The following SNX13 variants were observed in gnomAD, a reference collection of about 807,000 sequenced individuals.
SNX13 encodes the protein sorting nexin-13.
In SNX13, 45 loss-of-function variants were observed where a neutral mutation model predicts 133.6. The ratio of observed to expected loss-of-function variants is 0.34; its 90% CI spans 0.27 to 0.43. SNX13 has a LOEUF of 0.43. Among genes scored for constraint, SNX13 ranks in the 20% least tolerant of loss-of-function variants. The pLI is 1.00. For synonymous variants in SNX13, 414 were observed against 373.9 expected (o/e 1.11, Z -1.24); for missense variants, 1,032 against 1,145.1 (o/e 0.90, Z 1.43).
chr7:17,874,860 T>C (rs1156883303), intron 7 of SNX13, among the ~76,000 whole-genome samples: 1 of 152,218 alleles, frequency 6.6e-6, no homozygotes, highest in Non-Finnish European at 1.5e-5. Flanking sequence ...TTGAAATCAC[T>C]GTATCATTCC....
intron 1 of SNX13, among the ~76,000 whole-genome samples, chr7:17,937,191 T>C (rs1019888724): frequency 4.6e-5 from 7 of 151,930 alleles, no homozygotes; most frequent in East Asian, 1.9e-4. Flanking sequence ...GAGAACTATA[T>C]GGGAGCTATA....
intron 22 of SNX13, among the ~76,000 whole-genome samples, chr7:17,799,952 C>A (rs1241745789): frequency 6.6e-6 from 1 of 151,692 alleles, no homozygotes; most frequent in African/African-American, 2.4e-5. Context: ...TAAATACTGG[C>A]AAGAAAGCAT....
chr7:17,834,529 T>C (rs1788915481), intron 14 of SNX13, among the ~76,000 whole-genome samples: 1 of 151,830 alleles, frequency 6.6e-6, no homozygotes, highest in Non-Finnish European at 1.5e-5. Flanking sequence ...CTACAATATC[T>C]AGCCCTACAA....
intron 1 of SNX13, among the ~76,000 whole-genome samples, chr7:17,921,914 T>C (rs1022072990): frequency 6.6e-6 from 1 of 152,232 alleles, no homozygotes; most frequent in African/African-American, 2.4e-5. Context: ...TATTTTAACA[T>C]ACATGTGGAT....
At chr7:17,862,928 G>A (rs970919617) in intron 9 of SNX13, among the ~76,000 whole-genome samples, 29 of 152,154 alleles carry the variant, frequency 1.9e-4, no homozygotes, top group Non-Finnish European at 3.1e-4. Context: ...ATCAAGGAAA[G>A]TGGCATTCAA....
chr7:17,917,556 A>G (rs1485407254), intron 1 of SNX13, among the ~76,000 whole-genome samples: 1 of 152,164 alleles, frequency 6.6e-6, no homozygotes, highest in East Asian at 1.9e-4. Flanking sequence ...AACAGCAATA[A>G]AAAGAAAAAA....
intron 4 of SNX13, among the ~76,000 whole-genome samples, chr7:17,890,812 A>G (rs1796543084): frequency 6.6e-6 from 1 of 151,922 alleles, no homozygotes; most frequent in African/African-American, 2.4e-5. Flanking sequence ...GCTATAATCT[A>G]ATAAATAATA....
Position 17,875,908 on chromosome 7 carries a change from G to A in SNX13, c.441-118C>T. 1.5e-5 allele frequency: 13 copies of A among 841,428 alleles called. No homozygotes were observed. The South Asian group carries it at 3.0e-4, about 19-fold the overall frequency. 52.1% of individuals were successfully genotyped at this position (841,428 alleles called of 1,614,324 possible). Reference sequence around the variant, plus strand: ...ATCTGAGACTGTAAATTTAAATTGAGATTTTCATTCATTATTACCTGTTAG... The same window carrying A: ...ATCTGAGACTGTAAATTTAAATTGAAATTTTCATTCATTATTACCTGTTAG... On this transcript the variant is annotated intron_variant, in intron 5 of 25. Transcript: ENST00000428135.
At chr7:17,848,052 G>A (rs1790757718) in intron 11 of SNX13, among the ~76,000 whole-genome samples, 1 of 152,030 alleles carries the variant, frequency 6.6e-6, no homozygotes, top group African/African-American at 2.4e-5. Flanking sequence ...TTTCCTGCTC[G>A]AATGTTGCCT....
At chr7:17,857,319 A>T (rs1792038618) in intron 9 of SNX13, among the ~76,000 whole-genome samples, 2 of 152,210 alleles carry the variant, frequency 1.3e-5, no homozygotes, top group African/African-American at 4.8e-5. Context: ...TTTTAAAGGA[A>T]CTAATATTGA....
At chr7:17,937,188 A>G (rs1802186218) in intron 1 of SNX13, among the ~76,000 whole-genome samples, 1 of 152,028 alleles carries the variant, frequency 6.6e-6, no homozygotes, top group Non-Finnish European at 1.5e-5. Flanking sequence ...ATCGAGAACT[A>G]TATGGGAGCT....
At position 17,805,250 on chromosome 7, in the gene SNX13, T is replaced by TGTGTGTGTGTGTGTGTGTGTGTGC; in HGVS notation, c.2065-1671_2065-1670insGCACACACACACACACACACACAC. Among the ~76,000 whole-genome samples, 20 of 95,592 alleles carry TGTGTGTGTGTGTGTGTGTGTGTGC rather than the reference T, an allele frequency of 2.1e-4. 1 individual carries two copies. The highest frequency in any genetic ancestry group is 5.0e-4 in the African/African-American group (16 of 31,864). The allele number at this position is 95,592 out of a possible 152,430, so 62.7% of individuals were successfully genotyped here. A position where few individuals can be genotyped will look rare whatever the true frequency, so the allele number is the denominator to read the frequency against. On this transcript the variant is annotated intron_variant, in intron 20 of 25. Coordinates refer to ENST00000428135, the MANE Select transcript of SNX13 (RefSeq NM_015132.5). The stretch of plus-strand genomic sequence containing the variant: ...GTGTGTGTGTGTGTGTGTGTGTGTG[T>TGTGTGTGTGTGTGTGTGTGTGTGC]GCGTGCGCGCGCGCGCATGCATGCA...
chr7:17,802,561 G>A (rs940503028), intron 21 of SNX13, among the ~76,000 whole-genome samples: 2 of 152,126 alleles, frequency 1.3e-5, no homozygotes, highest in Admixed American at 6.6e-5. Flanking sequence ...GTAATGAACA[G>A]CAGAAGTGCG....
At chr7:17,888,665 T>G (rs187887551) in intron 5 of SNX13, 72 of 470,300 alleles carry the variant, frequency 1.5e-4, no homozygotes, top group Non-Finnish European at 2.9e-4. Context: ...GTCACAGGTA[T>G]TTCATTTCAC....
chr7:17,927,182 T>C (rs1800849285), intron 1 of SNX13, among the ~76,000 whole-genome samples: 1 of 150,252 alleles, frequency 6.7e-6, no homozygotes, highest in African/African-American at 2.4e-5. Context: ...ATATTATGCG[T>C]GTACATATAA....
At chr7:17,916,355 G>C (rs1799564506) in intron 1 of SNX13, among the ~76,000 whole-genome samples, 1 of 151,926 alleles carries the variant, frequency 6.6e-6, no homozygotes. Context: ...ACATACAAAG[G>C]ATCAACAAAA....
At position 17,799,018 on chromosome 7, in the gene SNX13, G is replaced by C; in HGVS notation, c.2435C>G (p.Thr812Ser). 6.2e-7 allele frequency: 1 copy of C among 1,609,338 alleles called. No individual in the cohort carries two copies. Among genetic ancestry groups the C allele is most frequent in the Non-Finnish European group, 8.5e-7 (1 of 1,177,394 alleles). Residue 812 changes from threonine to serine, a missense_variant, in exon 23 of 26, where the codon ACT becomes AGT. Physicochemically the swap from Thr to Ser is moderately conservative, Grantham distance 58. Coordinates refer to ENST00000428135, the MANE Select transcript of SNX13 (RefSeq NM_015132.5). ...GAGGAAAGAGTGCTACCTATTAATA[G>C]TATCGCCATATGTAGCTCTAATAAG... ...QQLIRATYGDTINRKIVDHVD... is the reference protein window; with the variant it reads ...QQLIRATYGDSINRKIVDHVD...
chr7:17,922,079 C>T (rs1300516396), intron 1 of SNX13, among the ~76,000 whole-genome samples: 3 of 152,176 alleles, frequency 2.0e-5, no homozygotes, highest in Admixed American at 2.0e-4. Context: ...CCATGGTTCA[C>T]CATTCCAACC....
intron 8 of SNX13, among the ~76,000 whole-genome samples, chr7:17,870,257 T>C (rs1239059610): frequency 7.2e-5 from 11 of 152,190 alleles, no homozygotes; most frequent in Non-Finnish European, 1.5e-4. Flanking sequence ...GGCAATTAAA[T>C]AGCAATTATC....
Sources: gnomAD v4.1 joint callset for allele counts (sites outside exome capture counted in the v4.1 genomes callset) on GRCh38, gnomAD v4.1.1 for gene constraint, MANE v1.5 for transcripts, NCBI Gene and HGNC (gene_info 2026-07-23, HGNC 2026-07-21) for gene names.